The following DHX57 variants were observed in gnomAD, a reference collection of about 807,000 sequenced individuals.
The protein encoded by DHX57 is DExH-box helicase 57, also known as putative ATP-dependent RNA helicase DHX57.
A neutral mutation model predicts 156.2 loss-of-function variants in DHX57; 105 were observed. That is an observed-to-expected ratio of 0.67 (90% CI 0.57 to 0.79). DHX57 has a LOEUF of 0.79. Among genes scored for constraint, DHX57 ranks in the 30% least tolerant of loss-of-function variants. The pLI, the probability that DHX57 is intolerant of heterozygous loss-of-function variation, is 0.00. For synonymous variants in DHX57, 704 were observed against 595.6 expected (o/e 1.18, Z -2.65); for missense variants, 1,847 against 1,661.9 (o/e 1.11, Z -1.94).
In DHX57 at chr2:38,868,174, A is replaced by C; in HGVS notation, c.224+8T>G. ...TCCATATTTAAACATTCAAAGAGTT[A>C]TAATGACCTGGAAGGGCGCCTTGAT... On this transcript the variant is annotated splice_region_variant and intron_variant, in intron 2 of 23. Coordinates refer to ENST00000457308, the MANE Select transcript of DHX57 (RefSeq NM_198963.3). 6.2e-7 allele frequency: 1 copy of C among 1,613,534 alleles called. No homozygotes were observed. Among genetic ancestry groups the C allele is most frequent in the Non-Finnish European group, 8.5e-7 (1 of 1,179,798 alleles).
At chr2:38,862,124 A>G in intron 4 of DHX57, 21 bp downstream of exon 4, 2 of 1,572,368 alleles carry the variant, frequency 1.3e-6, no homozygotes, top group Non-Finnish European at 8.6e-7. Context: ...CCCAACTCCC[A>G]TAAATGATCA....
Position 38,851,545 on chromosome 2 carries a change from C to G in DHX57, c.2030+2509G>C, listed in dbSNP as rs185949017. Among the ~76,000 whole-genome samples, 957 of 152,070 alleles carry G rather than the reference C, an allele frequency of 6.3e-3. 5 individuals carry two copies. Among genetic ancestry groups the G allele is most frequent in the Non-Finnish European group, 8.2e-3 (555 of 67,998 alleles). ...TGGTATTTGTAAATATTTGAAGCAC[C>G]CTTCTCCACTGTGTAATTAATCTTT... On this transcript the variant is annotated intron_variant, in intron 9 of 23. Coordinates refer to ENST00000457308, the MANE Select transcript of DHX57 (RefSeq NM_198963.3).
chr2:38,837,621 A>AAAAAAAAAAAAAAAAAAAAAAT, intron 13 of DHX57, among the ~76,000 whole-genome samples: 1 of 150,170 alleles, frequency 6.7e-6, no homozygotes, highest in Non-Finnish European at 1.5e-5. Context: ...CAAAAAAAAA[A>AAAAAAAAAAAAAAAAAAAAAAT]AAAGATAAAG....
At chr2:38,800,062 G>A (rs538095950) in intron 23 of DHX57, among the ~76,000 whole-genome samples, 13 of 151,876 alleles carry the variant, frequency 8.6e-5, no homozygotes, top group African/African-American at 3.1e-4. Context: ...GCGTATGCCT[G>A]TAATCCCAGC....
chr2:38,830,794 G>T (rs989193091), intron 13 of DHX57, among the ~76,000 whole-genome samples: 1 of 151,986 alleles, frequency 6.6e-6, no homozygotes, highest in South Asian at 2.1e-4. Context: ...CTGCTAAAAT[G>T]CCACAAAATT....
chr2:38,815,412 C>T (rs1389544958), intron 20 of DHX57, 109 bp downstream of exon 20: 2 of 1,384,952 alleles, frequency 1.4e-6, no homozygotes, highest in Non-Finnish European at 2.0e-6. Flanking sequence ...TGCCATTAAC[C>T]CACTGCTCAA....
chr2:38,847,036 A>G lies in DHX57; in HGVS notation c.2202T>C (p.Asp734=). ...TTCCTTACCTTGTCACAGCAATTGC[A>G]TCTTCCAAAAAAAATTGATCAACAG... is the stretch of plus-strand genomic sequence containing the variant. ...TFPVDQFFLE[D]AIAVTRYVLQ... is the part of the protein sequence containing the mutation. The change falls in exon 11 of 24, where the codon GAT becomes GAC. Residue 734 remains aspartate (D), a synonymous_variant. Coordinates refer to ENST00000457308, the MANE Select transcript of DHX57 (RefSeq NM_198963.3). 1 of 1,613,716 alleles carries G rather than the reference A, an allele frequency of 6.2e-7. No individual in the cohort carries two copies. The highest frequency in any genetic ancestry group is 8.5e-7 in the Non-Finnish European group (1 of 1,179,752).
At chr2:38,842,886 G>T (rs983359314) in intron 12 of DHX57, 119 bp downstream of exon 12, 3 of 1,047,638 alleles carry the variant, frequency 2.9e-6, no homozygotes, top group East Asian at 5.1e-5. Flanking sequence ...TTGCTCTGAT[G>T]AATTAAAGGC....
rs564701837 is a variant in DHX57, at chr2:38,806,775, CCAGTCTTGCT to C, written c.3682-92_3682-83del. On this transcript the variant is annotated intron_variant, in intron 21 of 23. Coordinates refer to ENST00000457308, the MANE Select transcript of DHX57 (RefSeq NM_198963.3). Reference sequence around the variant, plus strand: ...TATCTCTTGGCACAAAAGCACAAAACCAGTCTTGCTCAGTCTTGCTTGAATAGCTTTCCTG... The same window carrying C: ...TATCTCTTGGCACAAAAGCACAAAACCAGTCTTGCTTGAATAGCTTTCCTG... The C allele has an allele frequency of 4.5e-4, 637 of 1,402,974 alleles. 1 individual carries two copies. Among genetic ancestry groups the C allele is most frequent in the African/African-American group, 3.4e-3 (233 of 68,696 alleles). 86.9% of individuals were successfully genotyped at this position (1,402,974 alleles called of 1,614,324 possible).
intron 9 of DHX57, among the ~76,000 whole-genome samples, chr2:38,850,477 G>C (rs1672526859): frequency 6.6e-6 from 1 of 151,864 alleles, no homozygotes; most frequent in Admixed American, 6.6e-5. Flanking sequence ...GCCCAGGCTG[G>C]TCTCAAACTC....
At chr2:38,858,903 G>A (rs1572701956) in intron 5 of DHX57, 67 bp from the exon 6 acceptor site, 1 of 1,470,606 alleles carries the variant, frequency 6.8e-7, no homozygotes, top group East Asian at 2.5e-5. Context: ...GAAAGTCGCT[G>A]TCTAACAGAG....
At chr2:38,811,456 C>T (rs1670244186) in intron 21 of DHX57, 2 of 636,812 alleles carry the variant, frequency 3.1e-6, no homozygotes, top group Admixed American at 1.9e-5. Context: ...TCCACGAACT[C>T]CTTGCTGACG....
chr2:38,825,074 C>G (rs1014781662), intron 16 of DHX57, among the ~76,000 whole-genome samples: 2 of 152,004 alleles, frequency 1.3e-5, no homozygotes, highest in Non-Finnish European at 2.9e-5. Context: ...TAAAAAAAAA[C>G]AAATTATGAA....
intron 22 of DHX57, among the ~76,000 whole-genome samples, chr2:38,804,961 C>G (rs1193807349): frequency 6.6e-6 from 1 of 152,180 alleles, no homozygotes; most frequent in Non-Finnish European, 1.5e-5. Context: ...GCCTGTCTCC[C>G]TCACTAGAAC....
intron 2 of DHX57, 142 bp downstream of exon 2, chr2:38,868,040 A>T (rs1665167498): frequency 9.6e-7 from 1 of 1,043,852 alleles, no homozygotes; most frequent in Admixed American, 2.5e-5. Flanking sequence ...ATTTCCCATC[A>T]TGTCTTCAGA....
intron 22 of DHX57, 108 bp from the exon 23 acceptor site, chr2:38,803,023 TTATC>T (rs1483621671): frequency 4.2e-5 from 51 of 1,213,102 alleles, no homozygotes; most frequent in Non-Finnish European, 5.9e-5. Context: ...CTCCCCAAAT[TTATC>T]TATAGCCCGT....
At chr2:38,849,861 C>T (rs921686276) in intron 9 of DHX57, among the ~76,000 whole-genome samples, 18 of 152,218 alleles carry the variant, frequency 1.2e-4, no homozygotes, top group Non-Finnish European at 2.1e-4. Context: ...TCAGTGAGGA[C>T]TTCCTTGGCT....
At chr2:38,838,672 G>A (rs900851038) in intron 12 of DHX57, 3 of 398,082 alleles carry the variant, frequency 7.5e-6, no homozygotes, top group Middle Eastern at 3.6e-4. Context: ...CTAACCTATG[G>A]CAATCAATGG....
chr2:38,819,651 C>T (rs1280519802), intron 17 of DHX57, among the ~76,000 whole-genome samples: 1 of 152,188 alleles, frequency 6.6e-6, no homozygotes, highest in Non-Finnish European at 1.5e-5. Flanking sequence ...TGCCTGCCCA[C>T]CCAAAATAAG....
Sources: allele counts gnomAD v4.1 joint callset (sites outside exome capture counted in the v4.1 genomes callset), GRCh38; gene constraint gnomAD v4.1.1; transcripts MANE v1.5; gene names NCBI Gene and HGNC (gene_info 2026-07-23, HGNC 2026-07-21).